MIA2: variants seen among roughly 807,000 people sequenced by gnomAD.
MIA2 encodes the protein MIA SH3 domain ER export factor 2.
A neutral mutation model predicts 167.8 loss-of-function variants in MIA2; 127 were observed. The observed-to-expected ratio is 0.76, with a 90% confidence interval of 0.66 to 0.88. The LOEUF is 0.88. MIA2 is among the 40% of genes least tolerant of loss of function. The pLI is 0.00. For missense variants in MIA2, 1,690 were observed against 1,624.7 expected (o/e 1.04, Z -0.69); for synonymous variants, 552 against 541.9 (o/e 1.02, Z -0.26).
chr14:39,269,169 AT>A, intron 6 of MIA2: 1 of 529,404 alleles, frequency 1.9e-6, no homozygotes, highest in Non-Finnish European at 2.3e-6. Context: ...TTTTTTTTTT[AT>A]TTTTAAAAAT....
chr14:39,345,882 A>T, intron 25 of MIA2, 22 bp from the exon 26 acceptor site: 1 of 1,592,502 alleles, frequency 6.3e-7, no homozygotes, highest in Non-Finnish European at 8.5e-7. Flanking sequence ...TAATGAAGAC[A>T]TTTTAAAAAC....
chr14:39,354,811 A>G (rs1567044755), downstream of MIA2, among the ~76,000 whole-genome samples: 1 of 152,178 alleles, frequency 6.6e-6, no homozygotes, highest in East Asian at 1.9e-4. Context: ...CATTTATTAA[A>G]TAGAGAATCC....
chr14:39,300,873 A>G (rs1463232960), intron 14 of MIA2, among the ~76,000 whole-genome samples: 3 of 151,868 alleles, frequency 2.0e-5, no homozygotes, highest in African/African-American at 7.3e-5. Flanking sequence ...TACTAAGAAT[A>G]TTTTCAAAAT....
intron 18 of MIA2, 77 bp downstream of exon 18, chr14:39,308,664 G>A: frequency 8.7e-7 from 1 of 1,149,088 alleles, no homozygotes; most frequent in Non-Finnish European, 1.2e-6. Flanking sequence ...GTTAGCTATA[G>A]TGATTATTGA....
intron 6 of MIA2, chr14:39,269,082 T>TTTTTTTTTTTG (rs2056625882): frequency 1.1e-6 from 1 of 883,226 alleles, no homozygotes; most frequent in Non-Finnish European, 1.3e-6. Context: ...CAGTTTTTTT[T>TTTTTTTTTTTG]TTTTTTTTTT....
chr14:39,284,906 AG>A (rs1343578674), intron 9 of MIA2, among the ~76,000 whole-genome samples: 1 of 152,104 alleles, frequency 6.6e-6, no homozygotes, highest in African/African-American at 2.4e-5. Flanking sequence ...GGTCTTCCGC[AG>A]TGTTTGTGTC....
intron 9 of MIA2, among the ~76,000 whole-genome samples, chr14:39,290,402 T>G (rs905237836): frequency 3.9e-5 from 6 of 152,180 alleles, no homozygotes; most frequent in Admixed American, 3.3e-4. Flanking sequence ...AACGTAGTCT[T>G]CAATTTGATC....
chr14:39,303,170 C>T (rs1214070401), intron 15 of MIA2, among the ~76,000 whole-genome samples: 1 of 151,950 alleles, frequency 6.6e-6, no homozygotes, highest in Non-Finnish European at 1.5e-5. Flanking sequence ...ATTTTGGATG[C>T]TGTAAGAATC....
At chr14:39,327,849 T>G (rs1410643728) in intron 25 of MIA2, among the ~76,000 whole-genome samples, 1 of 152,236 alleles carries the variant, frequency 6.6e-6, no homozygotes, top group East Asian at 1.9e-4. Context: ...TGTGCCACAT[T>G]TTCTTTATGC....
In MIA2 at chr14:39,313,390, C is replaced by T. The variant is rs998470975; in HGVS notation, c.3068C>T (p.Ser1023Phe). The change falls in exon 19 of 29, where the codon TCT (serine) becomes TTT (phenylalanine). Residue 1023 changes from serine (S) to phenylalanine (F), a missense_variant. Physicochemically the swap from Ser to Phe is radical, Grantham distance 155. Coordinates refer to ENST00000640607, the MANE Select transcript of MIA2 (RefSeq NM_001329214.4). ...CGGTTAGAGAAAGAAGAGAAACTTT[C>T]TAAAGTAGATGAAAAGATCAGCCAT... is the stretch of plus-strand genomic sequence containing the variant. ...NYRLEKEEKL[S>F]KVDEKISHAT... 5.0e-6 allele frequency: 8 copies of T among 1,603,080 alleles called. No homozygotes were observed. The highest frequency in any genetic ancestry group is 6.8e-6 in the Non-Finnish European group (8 of 1,175,052).
rs2070212176 is a variant in MIA2 at position 39,335,646 on chromosome 14, C to T, written c.3655+8624C>T. On this transcript the variant is annotated intron_variant, in intron 25 of 28. Coordinates refer to ENST00000640607, the MANE Select transcript of MIA2 (RefSeq NM_001329214.4). Reference sequence around the variant, plus strand: ...ATTTGAGATTCACAGGGTACATGTGCAGGTTTGTTACATGGGTATATTGCA... The same window carrying T: ...ATTTGAGATTCACAGGGTACATGTGTAGGTTTGTTACATGGGTATATTGCA... 2.0e-5 allele frequency among the ~76,000 whole-genome samples: 3 copies of T among 152,040 alleles called. No homozygotes were observed. The South Asian group carries it at 6.2e-4, about 32-fold the overall frequency.
At chr14:39,347,602 G>A in intron 26 of MIA2, 111 bp from the exon 27 acceptor site, 1 of 1,024,086 alleles carries the variant, frequency 9.8e-7, no homozygotes, top group East Asian at 2.6e-5. Flanking sequence ...GTGTCCAGCT[G>A]GCTTATGTGC....
chr14:39,325,105 C>A (rs2067218183), intron 24 of MIA2, among the ~76,000 whole-genome samples: 1 of 151,992 alleles, frequency 6.6e-6, no homozygotes. Flanking sequence ...TGCCTGTTGT[C>A]CCAGCTACTT....
At chr14:39,305,501 G>GT (rs527606940) in intron 17 of MIA2, among the ~76,000 whole-genome samples, 156 of 151,904 alleles carry the variant, frequency 1.0e-3, no homozygotes, top group Non-Finnish European at 1.7e-3. Context: ...ATCTAACTTT[G>GT]TTTTTTTAAT....
At chr14:39,323,737 A>C (rs550902072) in intron 24 of MIA2, among the ~76,000 whole-genome samples, 7 of 152,348 alleles carry the variant, frequency 4.6e-5, no homozygotes, top group African/African-American at 1.4e-4. Context: ...TGCAAATATG[A>C]GTCACTGGAA....
chr14:39,267,297 G>A, intron 6 of MIA2: 1 of 1,466,208 alleles, frequency 6.8e-7, no homozygotes, highest in Non-Finnish European at 9.0e-7. Context: ...GCCTGCGGGT[G>A]CCCCTGTCCC....
At chr14:39,253,000 A>G in intron 5 of MIA2, 34 bp downstream of exon 5, 1 of 1,563,342 alleles carries the variant, frequency 6.4e-7, no homozygotes, top group Non-Finnish European at 8.7e-7. Context: ...CTAATGCATC[A>G]ATTAAGGAAG....
chr14:39,242,180 C>T (rs2054073486), intron 3 of MIA2, among the ~76,000 whole-genome samples: 1 of 152,090 alleles, frequency 6.6e-6, no homozygotes, highest in Non-Finnish European at 1.5e-5. Context: ...AATTATACCT[C>T]AATAAAACTG....
At chr14:39,260,810 A>G (rs1171737154) in intron 6 of MIA2, among the ~76,000 whole-genome samples, 1 of 152,070 alleles carries the variant, frequency 6.6e-6, no homozygotes, top group Non-Finnish European at 1.5e-5. Flanking sequence ...GGTATTGCCT[A>G]GGTTTTCTTC....
Sources: allele counts gnomAD v4.1 joint callset (sites outside exome capture counted in the v4.1 genomes callset), GRCh38; gene constraint gnomAD v4.1.1; transcripts MANE v1.5; gene names NCBI Gene and HGNC (gene_info 2026-07-23, HGNC 2026-07-21).